PRKN: variants seen among roughly 807,000 people sequenced by gnomAD.
The protein encoded by PRKN is parkin RBR E3 ubiquitin protein ligase.
In PRKN, 56 loss-of-function variants were observed where a neutral mutation model predicts 59.5. That is an observed-to-expected ratio of 0.94 (90% CI 0.76 to 1.18). The LOEUF (loss-of-function observed/expected upper bound fraction) is 1.18, where lower values mean the gene tolerates loss of function less well. PRKN is among the 50% of genes most tolerant of loss of function. The probability of loss-of-function intolerance (pLI) is 0.00; values close to 1 mark genes in which losing one functional copy is unlikely to be tolerated. For synonymous variants in PRKN, 250 were observed against 222.1 expected, an observed-to-expected ratio of 1.13 and a Z score of -1.12; for missense variants, 657 against 596.4, an observed-to-expected ratio of 1.10 and a Z score of -1.06.
chr6:162,603,669 T>C (rs1781796280), intron 1 of PRKN, among the ~76,000 whole-genome samples: 2 of 152,186 alleles, frequency 1.3e-5, no homozygotes, highest in Admixed American at 1.3e-4. Flanking sequence ...AACATTGAAA[T>C]TGCAAAAGAA....
At chr6:161,635,138 C>T (rs1783466628) in intron 7 of PRKN, among the ~76,000 whole-genome samples, 1 of 152,152 alleles carries the variant, frequency 6.6e-6, no homozygotes, top group South Asian at 2.1e-4. Flanking sequence ...TGATAATTTA[C>T]CAAACCCCAA....
intron 1 of PRKN, among the ~76,000 whole-genome samples, chr6:162,476,615 G>A (rs141172278): frequency 5.3e-5 from 8 of 152,236 alleles, no homozygotes; most frequent in East Asian, 3.9e-4. Flanking sequence ...AGGAAAGGAC[G>A]AGCACAGGGA....
chr6:161,678,216 C>CTTTTTTTTTTTTTTTTTTTTTTTTTTTT, intron 7 of PRKN, among the ~76,000 whole-genome samples: 1 of 64,940 alleles, frequency 1.5e-5, no homozygotes, highest in Non-Finnish European at 2.5e-5. Flanking sequence ...TACTGAATCA[C>CTTTTTTTTTTTTTTTTTTTTTTTTTTTT]TTTTTTTTTT....
intron 1 of PRKN, among the ~76,000 whole-genome samples, chr6:162,679,798 T>C (rs2128232370): frequency 6.6e-6 from 1 of 152,290 alleles, no homozygotes; most frequent in South Asian, 2.1e-4. Context: ...GTGAGAGTTC[T>C]GCTCCCTGGG....
At position 161,547,708 on chromosome 6, in the gene PRKN, A is replaced by T. The variant is rs1029873332; in HGVS notation, c.1083+1146T>A. On this transcript the variant is annotated intron_variant, in intron 9 of 11. Transcript: ENST00000366898. The surrounding 1 kb of genome is among the most constrained non-coding windows in gnomAD (Gnocchi z 4.0). ...TGCTGAGGCCACACACAATCATTGCAGATAATTCAGCACATGATAATGACT... is the reference window on the plus strand; with the variant it reads ...TGCTGAGGCCACACACAATCATTGCTGATAATTCAGCACATGATAATGACT... 2.0e-5 allele frequency among the ~76,000 whole-genome samples: 3 copies of T among 152,252 alleles called. No individual in the cohort carries two copies. The highest frequency in any genetic ancestry group is 4.4e-5 in the Non-Finnish European group (3 of 68,044).
chr6:161,485,521 T>C (rs1266505321), intron 9 of PRKN, among the ~76,000 whole-genome samples: 1 of 152,190 alleles, frequency 6.6e-6, no homozygotes, highest in Non-Finnish European at 1.5e-5. Flanking sequence ...TTAAAGTCCA[T>C]AGGCTAGTTT....
chr6:162,447,091 A>G (rs915588624), intron 1 of PRKN, among the ~76,000 whole-genome samples: 7 of 152,170 alleles, frequency 4.6e-5, no homozygotes, highest in Non-Finnish European at 7.4e-5. Flanking sequence ...GAGATTATGG[A>G]TGTATTAGAA....
rs145289570 is a variant in PRKN at position 161,618,174 on chromosome 6, A to G, written c.872-48758T>C. 2.0e-5 allele frequency among the ~76,000 whole-genome samples: 3 copies of G among 152,332 alleles called. No homozygotes were observed. In the East Asian group the frequency reaches 5.8e-4, roughly 29 times the overall value. On this transcript the variant is annotated intron_variant, in intron 7 of 11. Transcript: ENST00000366898. ...AACATATATTTTTTTCCTATCGTACATGAAGTGTTTGGTGTGGAACTTTAT... is the reference window on the plus strand; with the variant it reads ...AACATATATTTTTTTCCTATCGTACGTGAAGTGTTTGGTGTGGAACTTTAT...
At chr6:162,417,006 C>A (rs1788661936) in intron 2 of PRKN, among the ~76,000 whole-genome samples, 3 of 152,202 alleles carry the variant, frequency 2.0e-5, no homozygotes, top group African/African-American at 7.2e-5. Flanking sequence ...TCTGCTCCAG[C>A]ATCCTAACAG....
At position 161,538,537 on chromosome 6, in the gene PRKN, G is replaced by T. The variant is rs1221268318; in HGVS notation, c.1083+10317C>A. 6.6e-6 allele frequency among the ~76,000 whole-genome samples: 1 copy of T among 152,074 alleles called. No individual in the cohort carries two copies. Among genetic ancestry groups the T allele is most frequent in the African/African-American group, 2.4e-5 (1 of 41,390 alleles). On this transcript the variant is annotated intron_variant, in intron 9 of 11. Coordinates refer to ENST00000366898, the MANE Select transcript of PRKN (RefSeq NM_004562.3). This position sits in a 1 kb window ranked among gnomAD's most constrained non-coding sequence, Gnocchi z 4.2. The stretch of plus-strand genomic sequence containing the variant: ...GGTCAAGCCAGGACAGATCAGATTT[G>T]CCTAGGGGACACTTCAAGTTTCCAC...
chr6:162,255,709 C>T (rs1444541154), intron 3 of PRKN, among the ~76,000 whole-genome samples: 1 of 152,156 alleles, frequency 6.6e-6, no homozygotes, highest in Non-Finnish European at 1.5e-5. Context: ...GTCGGCTTAG[C>T]ATTTGCATGG....
intron 2 of PRKN, among the ~76,000 whole-genome samples, chr6:162,312,613 C>T (rs977144876): frequency 6.6e-5 from 10 of 152,136 alleles, no homozygotes; most frequent in African/African-American, 2.4e-4. Flanking sequence ...ATAACACACA[C>T]CTCTAACATT....
intron 9 of PRKN, among the ~76,000 whole-genome samples, chr6:161,512,424 T>C (rs1396039430): frequency 6.6e-6 from 1 of 152,176 alleles, no homozygotes; most frequent in Non-Finnish European, 1.5e-5. Context: ...GTATTGCTAT[T>C]GTAAGTAAAT....
intron 6 of PRKN, among the ~76,000 whole-genome samples, chr6:161,941,051 A>G (rs1454522477): frequency 1.3e-5 from 2 of 152,244 alleles, no homozygotes; most frequent in East Asian, 1.9e-4. Context: ...GCTTTAACCA[A>G]TATGGAAGGT....
chr6:161,407,977 G>A lies in PRKN; in HGVS notation c.1084-21100C>T, dbSNP rs188650269. On this transcript the variant is annotated intron_variant, in intron 9 of 11. Transcript: ENST00000366898. The surrounding 1 kb of genome is among the most constrained non-coding windows in gnomAD (Gnocchi z 4.9). The stretch of plus-strand genomic sequence containing the variant: ...AGCTGCCCCTCTCCTATCTCCCTTC[G>A]CTGACTCTCTTTTTGGACTCAGCCC... Among the ~76,000 whole-genome samples, 94 of 152,012 alleles carry A rather than the reference G, an allele frequency of 6.2e-4. No homozygotes were observed. The East Asian group carries it at 8.7e-3, about 14-fold the overall frequency.
At chr6:161,794,749 C>T (rs909053485) in intron 6 of PRKN, among the ~76,000 whole-genome samples, 2 of 152,154 alleles carry the variant, frequency 1.3e-5, no homozygotes, top group African/African-American at 2.4e-5. Context: ...CTTATTCCCC[C>T]CAAAACTACA....
At chr6:161,991,867 C>T (rs1020508305) in intron 5 of PRKN, among the ~76,000 whole-genome samples, 2 of 151,718 alleles carry the variant, frequency 1.3e-5, no homozygotes, top group Non-Finnish European at 2.9e-5. Flanking sequence ...AACAAAGCAA[C>T]AACAAAAAAA....
chr6:162,389,007 GAA>G (rs71278564), intron 2 of PRKN, among the ~76,000 whole-genome samples: 1 of 104,150 alleles, frequency 9.6e-6, no homozygotes, highest in African/African-American at 3.6e-5. Flanking sequence ...AGTTCCTCCA[GAA>G]AAAAAAAAAA....
In PRKN at chr6:161,390,481, G is replaced by GTGAT. The variant is rs2114953512; in HGVS notation, c.1084-3608_1084-3605dup. Among the ~76,000 whole-genome samples, 1 of 151,856 alleles carries GTGAT rather than the reference G, an allele frequency of 6.6e-6. No individual in the cohort carries two copies. The highest frequency in any genetic ancestry group is 6.6e-5 in the Admixed American group (1 of 15,220). On this transcript the variant is annotated intron_variant, in intron 9 of 11. Transcript: ENST00000366898. The surrounding 1 kb of genome is among the most constrained non-coding windows in gnomAD (Gnocchi z 7.0). ...GTAAACATCCATTTGGAACAAAGATGTGATTTATTTATTTATTTATTTATT... is the reference window on the plus strand; with the variant it reads ...GTAAACATCCATTTGGAACAAAGATGTGATTGATTTATTTATTTATTTATTTATT...
Sources: allele counts gnomAD v4.1 joint callset (sites outside exome capture counted in the v4.1 genomes callset), GRCh38; gene constraint gnomAD v4.1.1; non-coding constraint Gnocchi (gnomAD v3.1); transcripts MANE v1.5; gene names NCBI Gene and HGNC (gene_info 2026-07-23, HGNC 2026-07-21).